Variants in GPHN observed in about 807,000 individuals in gnomAD.
GPHN encodes the protein gephyrin.
In GPHN, 17 loss-of-function variants were observed where a neutral mutation model predicts 95.5. That is an observed-to-expected ratio of 0.18 (90% confidence interval 0.12 to 0.27). The LOEUF is 0.27. GPHN is among the 10% of genes least tolerant of loss of function. GPHN has a pLI of 1.00. For missense variants in GPHN, 660 were observed against 978.1 expected (o/e 0.67, Z 4.34); for synonymous variants, 320 against 322.5 (o/e 0.99, Z 0.08).
At chr14:67,690,236 G>T in the GPHN span, 1 of 1,613,710 alleles carries the variant, frequency 6.2e-7, no homozygotes, top group East Asian at 2.2e-5. Flanking sequence ...GCCAGTTCCT[G>T]GGTGAAGAGG....
chr14:66,747,643 A>T (rs1188809902), intron 2 of GPHN, among the ~76,000 whole-genome samples: 2 of 151,716 alleles, frequency 1.3e-5, no homozygotes, highest in Non-Finnish European at 2.9e-5. Context: ...CCCAGAGTTA[A>T]TGTTAAAAAT....
intron 5 of GPHN, among the ~76,000 whole-genome samples, chr14:66,886,741 G>C (rs190174683): frequency 4.6e-5 from 7 of 152,170 alleles, no homozygotes; most frequent in Admixed American, 3.3e-4. Context: ...AGGGACCTAT[G>C]GAACAACATT....
chr14:66,664,791 G>A (rs1198873144), intron 1 of GPHN, among the ~76,000 whole-genome samples: 2 of 151,406 alleles, frequency 1.3e-5, no homozygotes, highest in South Asian at 2.1e-4. Flanking sequence ...TGGATATTAC[G>A]ATTGTCCCCA....
the GPHN span, among the ~76,000 whole-genome samples, chr14:67,366,303 C>A: frequency 6.6e-6 from 1 of 152,076 alleles, no homozygotes; most frequent in Non-Finnish European, 1.5e-5. Context: ...TTGAACTGGG[C>A]TCAAGCGATT....
the GPHN span, among the ~76,000 whole-genome samples, chr14:67,448,648 G>C: frequency 6.6e-6 from 1 of 152,036 alleles, no homozygotes; most frequent in African/African-American, 2.4e-5. Flanking sequence ...GGCTGTGGAG[G>C]GGAGAGAGAG....
At chr14:67,192,443 T>C in the GPHN span, among the ~76,000 whole-genome samples, 1 of 152,078 alleles carries the variant, frequency 6.6e-6, no homozygotes, top group Non-Finnish European at 1.5e-5. Context: ...AAGTTAATTA[T>C]GATATCTTAG....
At chr14:66,941,242 A>G (rs2067412699) in intron 8 of GPHN, among the ~76,000 whole-genome samples, 2 of 137,930 alleles carry the variant, frequency 1.5e-5, no homozygotes, top group Admixed American at 1.4e-4. Flanking sequence ...CTCTCTCTCC[A>G]GTCCTTATTT....
At chr14:67,199,287 T>C in the GPHN span, 4 of 1,604,466 alleles carry the variant, frequency 2.5e-6, no homozygotes, top group South Asian at 4.4e-5. Context: ...ATCATGAACA[T>C]GATCAGACTC....
chr14:67,123,672 T>A (rs889363219), intron 17 of GPHN, among the ~76,000 whole-genome samples: 1 of 152,108 alleles, frequency 6.6e-6, no homozygotes, highest in African/African-American at 2.4e-5. Context: ...TGAGACTCTG[T>A]CTCAAAAAAT....
chr14:67,203,131 G>T, the GPHN span: 27 of 1,613,488 alleles, frequency 1.7e-5, no homozygotes, highest in Non-Finnish European at 2.1e-5. Flanking sequence ...CTTCATAACC[G>T]AGCCAACTGG....
chr14:66,935,683 TA>T (rs2067089465), intron 8 of GPHN, among the ~76,000 whole-genome samples: 1 of 151,860 alleles, frequency 6.6e-6, no homozygotes, highest in Non-Finnish European at 1.5e-5. Context: ...TACATGTGTT[TA>T]TATGTATACA....
the GPHN span, chr14:67,663,125 T>TCA: frequency 6.5e-7 from 1 of 1,527,098 alleles, no homozygotes; most frequent in Non-Finnish European, 8.7e-7. Context: ...CATTCCCCTT[T>TCA]CAGCCTTTCC....
At chr14:67,646,727 C>T in the GPHN span, 1 of 1,611,568 alleles carries the variant, frequency 6.2e-7, no homozygotes, top group Non-Finnish European at 8.5e-7. Flanking sequence ...GAGACGTGGA[C>T]CCTCCTGAAC....
the GPHN span, among the ~76,000 whole-genome samples, chr14:67,300,007 T>G: frequency 6.6e-6 from 1 of 152,220 alleles, no homozygotes; most frequent in Non-Finnish European, 1.5e-5. Flanking sequence ...AAACAACTTT[T>G]AGTTACCCAC....
At chr14:66,817,241 A>G (rs2061008331) in intron 3 of GPHN, among the ~76,000 whole-genome samples, 1 of 151,952 alleles carries the variant, frequency 6.6e-6, no homozygotes, top group African/African-American at 2.4e-5. Flanking sequence ...GTATACATAT[A>G]TATATGACAC....
intron 14 of GPHN, among the ~76,000 whole-genome samples, chr14:67,110,570 A>T (rs1374520873): frequency 6.6e-6 from 1 of 152,218 alleles, no homozygotes; most frequent in African/African-American, 2.4e-5. Flanking sequence ...AAAGAAATGC[A>T]GAGATATTAA....
intron 1 of GPHN, among the ~76,000 whole-genome samples, chr14:66,521,828 G>T (rs947981495): frequency 5.3e-5 from 8 of 152,122 alleles, no homozygotes; most frequent in African/African-American, 1.7e-4. Context: ...CCACAGCAGA[G>T]GGAACAAGGG....
At chr14:67,647,542 G>C in the GPHN span, 1 of 155,536 alleles carries the variant, frequency 6.4e-6, no homozygotes. Flanking sequence ...TTGGACACTG[G>C]GGCTATAATG....
At chr14:67,445,605 G>A in the GPHN span, among the ~76,000 whole-genome samples, 1 of 53,810 alleles carries the variant, frequency 1.9e-5, no homozygotes, top group African/African-American at 1.1e-4. Flanking sequence ...TTTTTTTTGA[G>A]ATAGGGTCTT....
Sources: allele counts gnomAD v4.1 joint callset (sites outside exome capture counted in the v4.1 genomes callset), GRCh38; gene constraint gnomAD v4.1.1; transcripts MANE v1.5; gene names NCBI Gene and HGNC (gene_info 2026-07-23, HGNC 2026-07-21).